The following TBXAS1 variants were observed in gnomAD, a reference collection of about 807,000 sequenced individuals.
TBXAS1 encodes the protein thromboxane A synthase 1, also known as thromboxane-A synthase.
A neutral mutation model predicts 60.7 loss-of-function variants in TBXAS1; 48 were observed. The ratio of observed to expected loss-of-function variants is 0.79; its 90% CI spans 0.63 to 1.01. The LOEUF (loss-of-function observed/expected upper bound fraction) is 1.01, where lower values mean the gene tolerates loss of function less well. TBXAS1 is among the 50% of genes least tolerant of loss of function. TBXAS1 has a pLI of 0.00. For synonymous variants in TBXAS1, 287 were observed against 269.7 expected, an observed-to-expected ratio of 1.06 and a Z score of -0.63; for missense variants, 685 against 686.3, an observed-to-expected ratio of 1.00 and a Z score of 0.02.
intron 3 of TBXAS1, among the ~76,000 whole-genome samples, chr7:139,878,589 C>A (rs1011176083): frequency 6.6e-6 from 1 of 152,046 alleles, no homozygotes; most frequent in African/African-American, 2.4e-5. Context: ...AATATGGTGG[C>A]GGTGTAAAAA....
At position 139,872,126 on chromosome 7, in the gene TBXAS1, A is replaced by C. The variant is rs572880443; in HGVS notation, c.90-109A>C. 1.4e-4 allele frequency: 157 copies of C among 1,156,322 alleles called. No individual in the cohort carries two copies. The African/African-American group carries it at 2.2e-3, about 16-fold the overall frequency. The allele number at this position is 1,156,322 out of a possible 1,614,324, so 71.6% of individuals were successfully genotyped here. ...TCTTAGATGTGGTGACTGGAAACCT[A>C]TTCTTTTGCCTTTACTTCCAGAGAG... is the stretch of plus-strand genomic sequence containing the variant. On this transcript the variant is annotated intron_variant, in intron 1 of 12. Transcript: ENST00000448866.
chr7:139,887,019 T>C (rs187550063), intron 3 of TBXAS1, among the ~76,000 whole-genome samples: 2 of 152,266 alleles, frequency 1.3e-5, no homozygotes, highest in East Asian at 3.9e-4. Flanking sequence ...AGTTCTGCCC[T>C]GCTCAAAATC....
At chr7:139,951,850 GGAAGGAAGGAAA>G (rs1809332752) in intron 5 of TBXAS1, among the ~76,000 whole-genome samples, 1 of 11,756 alleles carries the variant, frequency 8.5e-5, no homozygotes, top group African/African-American at 3.2e-4. Flanking sequence ...AAAGAAGGAA[GGAAGGAAGGAAA>G]GAAGGAAGGA....
chr7:139,909,346 T>A (rs1030177558), intron 3 of TBXAS1, among the ~76,000 whole-genome samples: 2 of 152,206 alleles, frequency 1.3e-5, no homozygotes, highest in African/African-American at 4.8e-5. Context: ...GTATGCAGAA[T>A]GCTGTTAAGT....
intron 4 of TBXAS1, among the ~76,000 whole-genome samples, chr7:139,912,251 T>A (rs1460496756): frequency 6.6e-6 from 1 of 151,438 alleles, no homozygotes; most frequent in Non-Finnish European, 1.5e-5. Context: ...CTCAAAAAAA[T>A]TAAATAAATA....
intron 3 of TBXAS1, among the ~76,000 whole-genome samples, chr7:139,878,237 A>T (rs1802411984): frequency 6.7e-6 from 1 of 149,978 alleles, no homozygotes; most frequent in Admixed American, 6.6e-5. Context: ...GAAGAGGGGG[A>T]GAGAGAGAGA....
intron 5 of TBXAS1, among the ~76,000 whole-genome samples, chr7:139,943,229 G>A (rs867608738): frequency 6.6e-5 from 10 of 152,194 alleles, no homozygotes; most frequent in African/African-American, 2.4e-4. Context: ...AAGTGTGGCT[G>A]TAGTCATCAA....
chr7:139,811,254 C>T (rs1156427851), intron 4 of TBXAS1, among the ~76,000 whole-genome samples: 1 of 152,226 alleles, frequency 6.6e-6, no homozygotes, highest in East Asian at 1.9e-4. Flanking sequence ...CTTTGTCACA[C>T]TTGATAATGG....
intron 9 of TBXAS1, among the ~76,000 whole-genome samples, chr7:139,990,156 C>T (rs1414674445): frequency 6.6e-6 from 1 of 152,218 alleles, no homozygotes; most frequent in Non-Finnish European, 1.5e-5. Flanking sequence ...TCCCCCAGGC[C>T]AGGCCTCCCC....
intron 4 of TBXAS1, among the ~76,000 whole-genome samples, chr7:139,813,031 T>C (rs1207616967): frequency 6.6e-6 from 1 of 151,048 alleles, no homozygotes; most frequent in Non-Finnish European, 1.5e-5. Flanking sequence ...CACTCCAGCC[T>C]GGACAACAGA....
intron 3 of TBXAS1, among the ~76,000 whole-genome samples, chr7:139,882,038 T>C (rs1280794138): frequency 6.6e-6 from 1 of 152,100 alleles, no homozygotes; most frequent in African/African-American, 2.4e-5. Context: ...ATTAGGAGAG[T>C]CTGTGTTCTG....
chr7:139,819,852 G>C (rs1023055986), intron 4 of TBXAS1, among the ~76,000 whole-genome samples: 3 of 151,736 alleles, frequency 2.0e-5, no homozygotes, highest in Non-Finnish European at 4.4e-5. Context: ...TGGAGATTGG[G>C]GCCCTACCAC....
intron 3 of TBXAS1, among the ~76,000 whole-genome samples, chr7:139,880,764 A>C (rs1043378518): frequency 1.3e-5 from 2 of 152,218 alleles, no homozygotes; most frequent in African/African-American, 4.8e-5. Flanking sequence ...ACACCATCGC[A>C]GTGAAGATTT....
chr7:139,971,977 G>C (rs1767335028), intron 9 of TBXAS1, among the ~76,000 whole-genome samples: 1 of 152,186 alleles, frequency 6.6e-6, no homozygotes, highest in Non-Finnish European at 1.5e-5. Flanking sequence ...CATCCCAGAA[G>C]CCTGTAAGTG....
chr7:139,938,121 T>C (rs1807952366), intron 5 of TBXAS1, among the ~76,000 whole-genome samples: 2 of 152,126 alleles, frequency 1.3e-5, no homozygotes, highest in African/African-American at 4.8e-5. Flanking sequence ...AATGGGACAA[T>C]TGCAGGGGGG....
intron 3 of TBXAS1, among the ~76,000 whole-genome samples, chr7:139,898,413 C>CTTTTTTTTTTTTT (rs71170921): frequency 1.8e-4 from 15 of 82,252 alleles, no homozygotes; most frequent in African/African-American, 6.8e-4. Flanking sequence ...ACGTGCATGG[C>CTTTTTTTTTTTTT]TTTTTTTTTT....
intron 8 of TBXAS1, among the ~76,000 whole-genome samples, chr7:139,958,733 C>T (rs957308525): frequency 9.2e-5 from 14 of 152,330 alleles, no homozygotes; most frequent in South Asian, 4.1e-4. Context: ...GTGCAGCAAA[C>T]GTGTCTAGAT....
intron 1 of TBXAS1, among the ~76,000 whole-genome samples, chr7:139,832,794 G>A (rs1315286875): frequency 2.0e-5 from 3 of 152,186 alleles, no homozygotes; most frequent in Non-Finnish European, 4.4e-5. Flanking sequence ...GAAGGGATTG[G>A]GGCCCTGTCT....
At chr7:140,002,177 C>T (rs1322477407) in intron 9 of TBXAS1, among the ~76,000 whole-genome samples, 4 of 152,194 alleles carry the variant, frequency 2.6e-5, no homozygotes, top group South Asian at 2.1e-4. Context: ...TAAGCACATT[C>T]GATAACACTT....
Sources: gnomAD v4.1 joint callset for allele counts (sites outside exome capture counted in the v4.1 genomes callset) on GRCh38, gnomAD v4.1.1 for gene constraint, MANE v1.5 for transcripts, NCBI Gene and HGNC (gene_info 2026-07-23, HGNC 2026-07-21) for gene names.